Variants in GLI3 observed in about 807,000 individuals in gnomAD.
GLI3 encodes the protein GLI family zinc finger 3, also known as transcription activator GLI3.
GLI3 carries 20 observed loss-of-function variants against 100.8 expected under a neutral mutation model. The observed-to-expected ratio is 0.20, with a 90% CI of 0.14 to 0.29. GLI3 has a LOEUF of 0.29. Among genes scored for constraint, GLI3 ranks in the 10% least tolerant of loss-of-function variants. GLI3 has a pLI of 1.00. For synonymous variants in GLI3, 938 were observed against 860.5 expected (o/e 1.09, Z -1.58); for missense variants, 2,040 against 2,128.5 (o/e 0.96, Z 0.82).
At chr7:42,092,338 G>A (rs534880222) in intron 3 of GLI3, among the ~76,000 whole-genome samples, 6 of 152,280 alleles carry the variant, frequency 3.9e-5, no homozygotes, top group South Asian at 2.1e-4. Context: ...AGCAACAGCC[G>A]GAAGTTGTGC....
At chr7:42,097,788 C>A (rs1011075984) in intron 3 of GLI3, among the ~76,000 whole-genome samples, 2 of 152,156 alleles carry the variant, frequency 1.3e-5, no homozygotes, top group African/African-American at 4.8e-5. Flanking sequence ...CCATGACAAC[C>A]TTCAAGGGCC....
intron 2 of GLI3, among the ~76,000 whole-genome samples, chr7:42,163,368 T>A (rs1191329261): frequency 1.3e-5 from 2 of 151,612 alleles, no homozygotes; most frequent in Non-Finnish European, 2.9e-5. Flanking sequence ...CTCTACCCTT[T>A]CACTCTGAGT....
intron 4 of GLI3, among the ~76,000 whole-genome samples, chr7:42,071,653 T>C (rs1374284286): frequency 1.3e-5 from 2 of 152,200 alleles, no homozygotes; most frequent in East Asian, 3.8e-4. Context: ...ACTTACTATT[T>C]CCTTCTCTAA....
At chr7:42,023,724 T>A in intron 9 of GLI3, 116 bp from the exon 10 acceptor site, 1 of 867,974 alleles carries the variant, frequency 1.2e-6, no homozygotes. Flanking sequence ...TAGGGTTTTG[T>A]GAAGTGAAGA....
intron 6 of GLI3, among the ~76,000 whole-genome samples, chr7:42,042,180 T>C (rs1260554872): frequency 6.6e-6 from 1 of 151,316 alleles, no homozygotes; most frequent in Non-Finnish European, 1.5e-5. Context: ...GCCCGGATAA[T>C]TTTTTTTTAT....
At chr7:42,130,792 T>A (rs1389806530) in intron 3 of GLI3, among the ~76,000 whole-genome samples, 1 of 152,038 alleles carries the variant, frequency 6.6e-6, no homozygotes, top group Non-Finnish European at 1.5e-5. Flanking sequence ...ATGGGCAGAA[T>A]TAATGAAAAT....
At chr7:42,125,243 T>C (rs1231357903) in intron 3 of GLI3, among the ~76,000 whole-genome samples, 1 of 152,126 alleles carries the variant, frequency 6.6e-6, no homozygotes, top group Non-Finnish European at 1.5e-5. Context: ...TGGTGCCTTG[T>C]ACAGGTGGCG....
chr7:42,060,476 G>A (rs1170399405), intron 4 of GLI3, among the ~76,000 whole-genome samples: 1 of 152,016 alleles, frequency 6.6e-6, no homozygotes, highest in Admixed American at 6.6e-5. Context: ...TAATAATTCT[G>A]TAGTTTTAGT....
chr7:42,232,862 G>A lies in GLI3; in HGVS notation c.-43+4109C>T, dbSNP rs144339678. On this transcript the variant is annotated intron_variant, in intron 1 of 14. Coordinates refer to ENST00000395925, the MANE Select transcript of GLI3 (RefSeq NM_000168.6). ...CATAGATTTTCTGAGACATTTTGTC[G>A]GGTTGAAATATATACACACAGAACA... 2.1e-4 allele frequency among the ~76,000 whole-genome samples: 32 copies of A among 152,068 alleles called. No homozygotes were observed. The East Asian group carries it at 4.8e-3, about 23-fold the overall frequency.
chr7:41,964,578 G>A lies in GLI3; in HGVS notation c.4495C>T (p.Leu1499=), dbSNP rs1446039619. 6.2e-7 allele frequency: 1 copy of A among 1,614,128 alleles called. No individual in the cohort carries two copies. Among genetic ancestry groups the A allele is most frequent in the Non-Finnish European group, 8.5e-7 (1 of 1,179,952 alleles). The change falls in exon 15 of 15, where the codon CTG becomes TTG. Residue 1499 remains leucine (L), a synonymous_variant. Coordinates refer to ENST00000395925, the MANE Select transcript of GLI3 (RefSeq NM_000168.6). ...TCGAAGTCAATCTGTACCCCTTCCA[G>A]GTCATGGCTGTCGAGGCTGTCCACT... ...STVDSLDSHD[L]EGVQIDFDAI... is the part of the protein sequence containing the mutation.
intron 10 of GLI3, among the ~76,000 whole-genome samples, chr7:42,001,283 A>G (rs564458220): frequency 3.0e-4 from 46 of 151,836 alleles, no homozygotes; most frequent in African/African-American, 1.1e-3. Context: ...AAACAAACAC[A>G]GAAGTATCCT....
intron 4 of GLI3, among the ~76,000 whole-genome samples, chr7:42,071,593 C>A (rs985846307): frequency 1.3e-5 from 2 of 152,274 alleles, no homozygotes; most frequent in Admixed American, 6.5e-5. Flanking sequence ...CCAGGACAAG[C>A]AACGTGCTAA....
intron 10 of GLI3, among the ~76,000 whole-genome samples, chr7:42,010,169 G>T (rs1049456764): frequency 6.6e-6 from 1 of 152,226 alleles, no homozygotes; most frequent in Non-Finnish European, 1.5e-5. Flanking sequence ...AGGGAAGCCA[G>T]GATTGACACT....
intron 5 of GLI3, among the ~76,000 whole-genome samples, chr7:42,047,593 T>C (rs150871337): frequency 1.6e-4 from 24 of 152,338 alleles, no homozygotes; most frequent in African/African-American, 5.8e-4. Flanking sequence ...GTGCGTGATA[T>C]GGAAAATACT....
intron 4 of GLI3, among the ~76,000 whole-genome samples, chr7:42,072,587 C>G (rs1205181827): frequency 6.6e-6 from 1 of 152,068 alleles, no homozygotes; most frequent in Non-Finnish European, 1.5e-5. Context: ...CTGTAATATA[C>G]CAATTGCCTA....
At chr7:42,206,065 C>T (rs1028117751) in intron 2 of GLI3, among the ~76,000 whole-genome samples, 2 of 152,154 alleles carry the variant, frequency 1.3e-5, no homozygotes, top group Middle Eastern at 3.4e-3. Context: ...GTCAGAAGTT[C>T]GAGACCAGCC....
intron 2 of GLI3, among the ~76,000 whole-genome samples, chr7:42,211,638 C>T (rs1788275894): frequency 6.6e-6 from 1 of 152,148 alleles, no homozygotes; most frequent in Non-Finnish European, 1.5e-5. Flanking sequence ...AGGTAAGGGT[C>T]TCAGATTATT....
At chr7:42,137,608 C>T (rs559104348) in intron 3 of GLI3, among the ~76,000 whole-genome samples, 4 of 152,230 alleles carry the variant, frequency 2.6e-5, no homozygotes, top group African/African-American at 9.6e-5. Flanking sequence ...ACATTCCTAC[C>T]CAAGTCTCTC....
At chr7:42,073,405 A>T (rs1403695179) in intron 4 of GLI3, among the ~76,000 whole-genome samples, 8 of 152,214 alleles carry the variant, frequency 5.3e-5, no homozygotes. Context: ...AGTTGTTCTA[A>T]CACCTAATAA....
Sources: allele counts gnomAD v4.1 joint callset (sites outside exome capture counted in the v4.1 genomes callset), GRCh38; gene constraint gnomAD v4.1.1; transcripts MANE v1.5; gene names NCBI Gene and HGNC (gene_info 2026-07-23, HGNC 2026-07-21).